The following MTAP variants were observed in gnomAD, a reference collection of about 807,000 sequenced individuals.
The protein encoded by MTAP is S-methyl-5'-thioadenosine phosphorylase.
Under a neutral mutation model 33.6 loss-of-function variants are expected in MTAP, and 33 were observed. That is an observed-to-expected ratio of 0.98 (90% CI 0.74 to 1.31). The LOEUF is 1.31. Among genes scored for constraint, MTAP ranks in the 40% most tolerant of loss-of-function variants. The probability of loss-of-function intolerance (pLI) is 0.00; values close to 1 mark genes in which losing one functional copy is unlikely to be tolerated. For missense variants in MTAP, 367 were observed against 360.0 expected, an observed-to-expected ratio of 1.02 and a Z score of -0.16; for synonymous variants, 148 against 125.7, an observed-to-expected ratio of 1.18 and a Z score of -1.19.
Position 21,854,718 on chromosome 9 carries a change from C to T in MTAP, c.538C>T (p.Arg180Trp), listed in dbSNP as rs891972796. Residue 180 changes from arginine to tryptophan, a missense_variant, in exon 6 of 8, where the codon CGG becomes TGG. Arg to Trp is a moderately radical substitution (Grantham distance 101). Coordinates refer to ENST00000644715, the MANE Select transcript of MTAP (RefSeq NM_002451.4). ...VTIEGPRFSS[R>W]AESFMFRTWG... ...AATCGAGGGACCTCGTTTTAGCTCC[C>T]GGGCAGAAAGCTTCATGTTCCGCAC... 5.6e-6 allele frequency: 9 copies of T among 1,613,952 alleles called. No homozygotes were observed. The highest frequency in any genetic ancestry group is 2.2e-5 in the South Asian group (2 of 91,080).
chr9:21,878,443 T>A (rs546888094), intron 1 of MTAP, among the ~76,000 whole-genome samples: 6 of 152,150 alleles, frequency 3.9e-5, no homozygotes, highest in Admixed American at 1.3e-4. Flanking sequence ...TAGTTGTAAT[T>A]TTAGGTGGTT....
intron 1 of MTAP, among the ~76,000 whole-genome samples, chr9:21,815,085 A>C (rs1021486199): frequency 2.0e-5 from 3 of 152,180 alleles, no homozygotes; most frequent in African/African-American, 4.8e-5. Context: ...ACTTTCCACT[A>C]CCATACTTGC....
chr9:21,878,570 C>T (rs1458883779), intron 1 of MTAP, among the ~76,000 whole-genome samples: 4 of 152,086 alleles, frequency 2.6e-5, no homozygotes. Context: ...CCATGTTTCC[C>T]AGGCTTATCT....
At chr9:21,833,736 A>G (rs1202760430) in intron 4 of MTAP, among the ~76,000 whole-genome samples, 1 of 152,164 alleles carries the variant, frequency 6.6e-6, no homozygotes, top group Admixed American at 6.5e-5. Flanking sequence ...TCAGAGGTCG[A>G]TGATTGTGTT....
chr9:21,871,340 T>G (rs1011260144), downstream of MTAP, among the ~76,000 whole-genome samples: 5 of 152,210 alleles, frequency 3.3e-5, no homozygotes, highest in African/African-American at 1.2e-4. Flanking sequence ...CTCCTCCTTG[T>G]CTCTGGCCTT....
chr9:21,837,806 C>T, intron 4 of MTAP, 102 bp from the exon 5 acceptor site: 1 of 859,450 alleles, frequency 1.2e-6, no homozygotes. Context: ...GGAGTAAAGA[C>T]CCAAATATTG....
intron 1 of MTAP, among the ~76,000 whole-genome samples, chr9:21,927,544 C>A (rs943695552): frequency 2.0e-5 from 3 of 152,218 alleles, no homozygotes; most frequent in African/African-American, 7.2e-5. Context: ...TTGTGAGATA[C>A]TTAACCAAAT....
chr9:21,837,870 A>C (rs527629026), intron 4 of MTAP, 38 bp from the exon 5 acceptor site: 24 of 1,576,294 alleles, frequency 1.5e-5, no homozygotes, highest in African/African-American at 4.1e-5. Context: ...TGGCCTTAAA[A>C]TAAAACAAAC....
At chr9:21,850,094 A>G (rs1292913140) in intron 5 of MTAP, among the ~76,000 whole-genome samples, 1 of 152,240 alleles carries the variant, frequency 6.6e-6, no homozygotes, top group Non-Finnish European at 1.5e-5. Flanking sequence ...ACAATGGTCC[A>G]TTACATTGAT....
chr9:21,930,843 G>T, intron 1 of MTAP: 1 of 666,148 alleles, frequency 1.5e-6, no homozygotes, highest in South Asian at 1.8e-5. Context: ...CAGCTTACAA[G>T]AACAAGCCTC....
downstream of MTAP, among the ~76,000 whole-genome samples, chr9:21,938,948 G>T (rs1220737161): frequency 6.6e-6 from 1 of 152,178 alleles, no homozygotes; most frequent in East Asian, 1.9e-4. Context: ...TAATTACATG[G>T]TGATATGGTT....
In MTAP at chr9:21,861,991, T is replaced by C; in HGVS notation, c.829T>C (p.Ser277Pro). 1 of 1,601,716 alleles carries C rather than the reference T, an allele frequency of 6.2e-7. No individual in the cohort carries two copies. Residue 277 changes from serine to proline, a missense_variant, in exon 8 of 8, where the codon TCT (serine) becomes CCT (proline). Coordinates refer to ENST00000644715, the MANE Select transcript of MTAP (RefSeq NM_002451.4). The stretch of plus-strand genomic sequence containing the variant: ...TTCCTTTCAGAATATGGCCCAGTTT[T>C]CTGTTTTATTACCAAGACATTAAAG... ...LHNLKNMAQF[S>P]VLLPRH
intron 1 of MTAP, among the ~76,000 whole-genome samples, chr9:21,900,224 A>G (rs1419592066): frequency 6.6e-6 from 1 of 152,220 alleles, no homozygotes; most frequent in Non-Finnish European, 1.5e-5. Flanking sequence ...AAAAGAAACT[A>G]TAAACAGATT....
intron 1 of MTAP, among the ~76,000 whole-genome samples, chr9:21,885,758 T>C (rs1387761406): frequency 6.6e-6 from 1 of 150,678 alleles, no homozygotes; most frequent in Non-Finnish European, 1.5e-5. Context: ...CATTCCTTTT[T>C]ATAGCTGGGT....
At position 21,865,666 on chromosome 9, in the gene MTAP, A is replaced by G. The variant is rs577633090; in HGVS notation, c.*3652A>G. 23 of 1,008,202 alleles carry G rather than the reference A, an allele frequency of 2.3e-5. No homozygotes were observed. The highest frequency in any genetic ancestry group is 2.7e-5 in the Non-Finnish European group (23 of 841,700). 62.5% of individuals were successfully genotyped at this position (1,008,202 alleles called of 1,614,324 possible). ...GGAATGCCAAAGATCGAGGAAATCT[A>G]CCAAGACTAGTAGGGTAGTCCAGAA... is the stretch of plus-strand genomic sequence containing the variant. On this transcript the variant is annotated 3_prime_UTR_variant, in exon 8 of 8. Coordinates refer to ENST00000644715, the MANE Select transcript of MTAP (RefSeq NM_002451.4).
chr9:21,878,025 C>T (rs1018746661), intron 1 of MTAP, among the ~76,000 whole-genome samples: 9 of 150,826 alleles, frequency 6.0e-5, no homozygotes, highest in African/African-American at 1.9e-4. Flanking sequence ...AATACTGCTT[C>T]AATTTCAGAA....
At chr9:21,926,410 C>T (rs1440174279) in intron 1 of MTAP, among the ~76,000 whole-genome samples, 2 of 152,142 alleles carry the variant, frequency 1.3e-5, no homozygotes, top group African/African-American at 4.8e-5. Flanking sequence ...AGGCAGTAGT[C>T]CCAATACACC....
At position 21,802,640 on chromosome 9, in the gene MTAP, G is replaced by A; in HGVS notation, c.-109G>A. 3.9e-6 allele frequency: 5 copies of A among 1,267,436 alleles called. No homozygotes were observed. Among genetic ancestry groups the A allele is most frequent in the Middle Eastern group, 2.5e-4 (1 of 4,066 alleles). 78.5% of individuals were successfully genotyped at this position (1,267,436 alleles called of 1,614,324 possible). On this transcript the variant is annotated 5_prime_UTR_variant, in exon 1 of 8. Coordinates refer to ENST00000644715, the MANE Select transcript of MTAP (RefSeq NM_002451.4). ...GAGTCAAGGCCCGCCCCTGGTCTCC[G>A]CACTGCTCACTCCCGCGCAGTGAGG...
At chr9:21,927,137 C>G (rs1000804139) in intron 1 of MTAP, among the ~76,000 whole-genome samples, 1 of 152,150 alleles carries the variant, frequency 6.6e-6, no homozygotes, top group Non-Finnish European at 1.5e-5. Context: ...CCATACTAAC[C>G]AAACCGTTTC....
Sources: gnomAD v4.1 joint callset for allele counts (sites outside exome capture counted in the v4.1 genomes callset) on GRCh38, gnomAD v4.1.1 for gene constraint, MANE v1.5 for transcripts, NCBI Gene and HGNC (gene_info 2026-07-23, HGNC 2026-07-21) for gene names.